CHL1: variants seen among roughly 807,000 people sequenced by gnomAD.
The protein encoded by CHL1 is neural cell adhesion molecule L1-like protein.
CHL1 carries 96 observed loss-of-function variants against 141.9 expected under a neutral mutation model. The observed-to-expected ratio is 0.68, with a 90% CI of 0.57 to 0.80. The LOEUF (loss-of-function observed/expected upper bound fraction) is 0.80. CHL1 is among the 30% of genes least tolerant of loss of function. CHL1 has a pLI of 0.00. For missense variants in CHL1, 1,820 were observed against 1,457.2 expected, an observed-to-expected ratio of 1.25 and a Z score of -4.05; for synonymous variants, 613 against 502.2, an observed-to-expected ratio of 1.22 and a Z score of -2.95.
intron 26 of CHL1, among the ~76,000 whole-genome samples, chr3:401,399 T>A (rs1709117071): frequency 6.6e-6 from 1 of 152,222 alleles, no homozygotes; most frequent in Non-Finnish European, 1.5e-5. Flanking sequence ...TGCAACATGC[T>A]GCAGGTGTGA....
At chr3:293,396 T>C (rs1476049814) in intron 2 of CHL1, among the ~76,000 whole-genome samples, 1 of 151,992 alleles carries the variant, frequency 6.6e-6, no homozygotes, top group Non-Finnish European at 1.5e-5. Flanking sequence ...CCAGCTACTC[T>C]GGAGGCTGTA....
At chr3:215,405 T>C (rs1700233414) in intron 1 of CHL1, among the ~76,000 whole-genome samples, 2 of 152,136 alleles carry the variant, frequency 1.3e-5, no homozygotes, top group Admixed American at 1.3e-4. Context: ...CCGGAATGTA[T>C]CAAGGAGGGG....
intron 2 of CHL1, among the ~76,000 whole-genome samples, chr3:306,128 G>T (rs1266541049): frequency 3.3e-5 from 5 of 152,072 alleles, no homozygotes; most frequent in Non-Finnish European, 7.4e-5. Context: ...AAGGGTTTAG[G>T]GATCTAGGTC....
intron 1 of CHL1, among the ~76,000 whole-genome samples, chr3:239,353 G>C (rs1318736395): frequency 6.6e-6 from 1 of 152,198 alleles, no homozygotes; most frequent in Middle Eastern, 3.4e-3. Flanking sequence ...TACTTGATTA[G>C]CTTACGATCG....
At chr3:313,925 C>T (rs1234770754) in intron 2 of CHL1, among the ~76,000 whole-genome samples, 1 of 152,100 alleles carries the variant, frequency 6.6e-6, no homozygotes, top group Non-Finnish European at 1.5e-5. Flanking sequence ...ACTTTCAAAA[C>T]TCTTAAACCA....
chr3:354,881 C>G (rs1703582008), intron 11 of CHL1, 110 bp downstream of exon 11: 1 of 1,292,830 alleles, frequency 7.7e-7, no homozygotes, highest in Admixed American at 2.3e-5. Context: ...ATTAGCAGGA[C>G]AGATACAACC....
chr3:197,632 G>GA (rs1346394513), intron 1 of CHL1: 1 of 366,896 alleles, frequency 2.7e-6, no homozygotes, highest in Non-Finnish European at 5.4e-6. Context: ...TCCCAGCCCG[G>GA]GGGGGGTTCC....
intron 8 of CHL1, 83 bp from the exon 9 acceptor site, chr3:344,506 T>C: frequency 9.6e-7 from 1 of 1,038,138 alleles, no homozygotes; most frequent in South Asian, 1.5e-5. Flanking sequence ...TGTCGGATTT[T>C]TTGTTTTAAG....
chr3:249,205 G>A (rs1364529334), intron 2 of CHL1, among the ~76,000 whole-genome samples: 1 of 152,140 alleles, frequency 6.6e-6, no homozygotes, highest in Non-Finnish European at 1.5e-5. Context: ...ACTGCAGAGG[G>A]CAAAGAGCAG....
chr3:204,450 C>T (rs1453510687), intron 1 of CHL1, among the ~76,000 whole-genome samples: 1 of 152,198 alleles, frequency 6.6e-6, no homozygotes, highest in Non-Finnish European at 1.5e-5. Flanking sequence ...GACCAGAATG[C>T]ACTGGTTGCA....
At chr3:393,327 CA>C (rs1266684439) in intron 23 of CHL1, among the ~76,000 whole-genome samples, 2 of 150,764 alleles carry the variant, frequency 1.3e-5, no homozygotes, top group African/African-American at 2.4e-5. Flanking sequence ...AACTGGTTTT[CA>C]AAAAAATTGT....
At chr3:344,275 G>A in intron 8 of CHL1, among the ~76,000 whole-genome samples, 2 of 152,188 alleles carry the variant, frequency 1.3e-5, no homozygotes, top group East Asian at 3.9e-4. Context: ...TTGAAGTATA[G>A]AATATAAAAT....
At chr3:297,405 G>C (rs1440990891) in intron 2 of CHL1, among the ~76,000 whole-genome samples, 1 of 151,656 alleles carries the variant, frequency 6.6e-6, no homozygotes, top group African/African-American at 2.4e-5. Flanking sequence ...GCTCTCTTTT[G>C]CCCATTAGAC....
chr3:340,464 C>G (rs932047573), intron 5 of CHL1, among the ~76,000 whole-genome samples: 1 of 152,154 alleles, frequency 6.6e-6, no homozygotes, highest in African/African-American at 2.4e-5. Context: ...TCACATCTAT[C>G]AAAGCTAAAG....
Position 398,378 on chromosome 3 carries a change from A to C in CHL1, c.3246A>C (p.Arg1082Ser). 6.3e-7 allele frequency: 1 copy of C among 1,595,820 alleles called. No individual in the cohort carries two copies. The highest frequency in any genetic ancestry group is 8.6e-7 in the Non-Finnish European group (1 of 1,164,044). Residue 1082 changes from arginine (R) to serine (S), a missense_variant, in exon 25 of 28, where the codon AGA (arginine) becomes AGC (serine). Coordinates refer to ENST00000256509, the MANE Select transcript of CHL1 (RefSeq NM_006614.4). ...DSIFQDVIET[R>S]GREYAGLYDD... ...TTTTTCAAGATGTAATTGAGACAAGAGGGAGAGGTGAGAAATGAGATTATA... is the reference window on the plus strand; with the variant it reads ...TTTTTCAAGATGTAATTGAGACAAGCGGGAGAGGTGAGAAATGAGATTATA...
At chr3:199,494 C>T (rs980154787) in intron 1 of CHL1, among the ~76,000 whole-genome samples, 12 of 152,332 alleles carry the variant, frequency 7.9e-5, no homozygotes, top group African/African-American at 2.9e-4. Context: ...GTACACTGTA[C>T]ACTTCGTGGG....
At chr3:261,950 G>C (rs1339504437) in intron 2 of CHL1, among the ~76,000 whole-genome samples, 2 of 142,668 alleles carry the variant, frequency 1.4e-5, no homozygotes, top group Non-Finnish European at 3.1e-5. Flanking sequence ...AGTACTCACA[G>C]GGCAGGATTC....
At chr3:342,684 A>G (rs1702433643) in intron 7 of CHL1, among the ~76,000 whole-genome samples, 1 of 152,178 alleles carries the variant, frequency 6.6e-6, no homozygotes, top group Non-Finnish European at 1.5e-5. Flanking sequence ...AATTTGGTCC[A>G]TGATTTTTTC....
intron 2 of CHL1, chr3:308,852 C>A: frequency 6.1e-6 from 1 of 164,214 alleles, no homozygotes; most frequent in South Asian, 1.9e-4. Context: ...AACTGCTCCT[C>A]CAGAAGACTG....
Sources: allele counts gnomAD v4.1 joint callset (sites outside exome capture counted in the v4.1 genomes callset), GRCh38; gene constraint gnomAD v4.1.1; transcripts MANE v1.5; gene names NCBI Gene and HGNC (gene_info 2026-07-23, HGNC 2026-07-21).